Variants in ASB4 observed in about 807,000 individuals in gnomAD.
ASB4 encodes the protein ankyrin repeat and SOCS box protein 4.
In ASB4, 35 loss-of-function variants were observed where a neutral mutation model predicts 38.6. The ratio of observed to expected loss-of-function variants is 0.91; its 90% CI spans 0.69 to 1.20. The LOEUF (loss-of-function observed/expected upper bound fraction) is 1.20, where lower values mean the gene tolerates loss of function less well. ASB4 is among the 50% of genes most tolerant of loss of function. ASB4 has a pLI of 0.00. For missense variants in ASB4, 557 were observed against 527.2 expected (o/e 1.06, Z -0.55); for synonymous variants, 195 against 201.3 (o/e 0.97, Z 0.26).
chr7:95,499,485 C>A (rs1475752291), intron 2 of ASB4, among the ~76,000 whole-genome samples: 4 of 151,982 alleles, frequency 2.6e-5, no homozygotes, highest in African/African-American at 9.7e-5. Context: ...TGATAGCTAC[C>A]CAGGGTTAAT....
chr7:95,471,286 A>G, the ASB4 span, among the ~76,000 whole-genome samples: 1 of 152,140 alleles, frequency 6.6e-6, no homozygotes, highest in Non-Finnish European at 1.5e-5. Context: ...TTGCTTCCCC[A>G]GAGCTCCAGG....
intron 2 of ASB4, among the ~76,000 whole-genome samples, chr7:95,512,330 G>A (rs577582955): frequency 2.0e-5 from 3 of 152,260 alleles, no homozygotes; most frequent in South Asian, 2.1e-4. Context: ...ATGGGGCTAC[G>A]GATAATTCAA....
intron 2 of ASB4, among the ~76,000 whole-genome samples, chr7:95,518,717 A>G (rs1176939865): frequency 6.6e-6 from 1 of 152,230 alleles, no homozygotes; most frequent in Non-Finnish European, 1.5e-5. Flanking sequence ...AATCTTTAAC[A>G]GGGATTCCAC....
intron 2 of ASB4, among the ~76,000 whole-genome samples, chr7:95,523,354 G>A (rs1000375470): frequency 4.6e-5 from 7 of 152,078 alleles, no homozygotes; most frequent in Non-Finnish European, 8.8e-5. Context: ...TCTTGATGAA[G>A]AGCTCATAAA....
chr7:95,513,515 G>A (rs996557501), intron 2 of ASB4, among the ~76,000 whole-genome samples: 25 of 152,110 alleles, frequency 1.6e-4, no homozygotes, highest in Middle Eastern at 3.4e-3. Context: ...TTTCAATGGA[G>A]TGGATGAAGC....
chr7:95,483,932 T>C (rs1317793406), upstream of ASB4, among the ~76,000 whole-genome samples: 1 of 152,042 alleles, frequency 6.6e-6, no homozygotes, highest in Non-Finnish European at 1.5e-5. Flanking sequence ...GTTGAGGAAG[T>C]ATTTCCATAT....
At chr7:95,481,516 G>A (rs897427250), upstream of ASB4, among the ~76,000 whole-genome samples, 2 of 152,172 alleles carry the variant, frequency 1.3e-5, no homozygotes, top group African/African-American at 4.8e-5. Context: ...GGAGGCCCAA[G>A]GGGTTCTGTT....
chr7:95,510,858 G>A (rs10275596), intron 2 of ASB4, among the ~76,000 whole-genome samples: 71,099 of 151,964 alleles, frequency 0.47, 17,188 homozygotes, highest in African/African-American at 0.59. Context: ...GAAGGATGAA[G>A]TTTCCTTAGG....
upstream of ASB4, among the ~76,000 whole-genome samples, chr7:95,478,063 G>A (rs765713522): frequency 2.0e-5 from 3 of 152,048 alleles, no homozygotes; most frequent in Admixed American, 1.3e-4. Flanking sequence ...GACAACTGTG[G>A]GTGTAAAAAG....
At chr7:95,510,857 A>T (rs182766607) in intron 2 of ASB4, among the ~76,000 whole-genome samples, 2,000 of 152,314 alleles carry the variant, frequency 0.013, 59 homozygotes, top group Admixed American at 0.056. Context: ...TGAAGGATGA[A>T]GTTTCCTTAG....
At chr7:95,509,491 C>G (rs1316172412) in intron 2 of ASB4, among the ~76,000 whole-genome samples, 1 of 152,184 alleles carries the variant, frequency 6.6e-6, no homozygotes, top group South Asian at 2.1e-4. Context: ...TGCAACAAAG[C>G]TCTGCATACT....
At chr7:95,490,552 C>A (rs200981404) in intron 1 of ASB4, among the ~76,000 whole-genome samples, 3 of 152,308 alleles carry the variant, frequency 2.0e-5, no homozygotes, top group South Asian at 2.1e-4. Flanking sequence ...GTGTGTGTAA[C>A]CTTTGGCTGT....
At chr7:95,481,995 C>T (rs866829308), upstream of ASB4, among the ~76,000 whole-genome samples, 4 of 152,250 alleles carry the variant, frequency 2.6e-5, no homozygotes, top group East Asian at 5.8e-4. Context: ...TGAGTTGAAG[C>T]GGTGGCTTGG....
intron 2 of ASB4, among the ~76,000 whole-genome samples, chr7:95,521,747 A>G (rs1790665187): frequency 6.6e-6 from 1 of 152,066 alleles, no homozygotes; most frequent in Non-Finnish European, 1.5e-5. Flanking sequence ...ACAGGTTGCA[A>G]AAGTGAGATA....
In ASB4 at chr7:95,537,669, C is replaced by G; in HGVS notation, c.1191C>G (p.His397Gln). ...GATGTGCCATTAGAAGAACATTACA[C>G]AACAGATGCCATAGAGCAATTCCTT... Reference protein sequence around the residue: ...LSRCAIRRTLHNRCHRAIPLL... With the variant: ...LSRCAIRRTLQNRCHRAIPLL... The change falls in exon 5 of 5, where the codon CAC becomes CAG. Residue 397 changes from histidine to glutamine, a missense_variant. Transcript: ENST00000325885. 6.2e-7 allele frequency: 1 copy of G among 1,613,890 alleles called. No individual in the cohort carries two copies. Among genetic ancestry groups the G allele is most frequent in the South Asian group, 1.1e-5 (1 of 91,052 alleles).
intron 3 of ASB4, chr7:95,528,623 G>A (rs10487135): frequency 0.095 from 121,965 of 1,281,884 alleles, 5,931 homozygotes; most frequent in South Asian, 0.1. Flanking sequence ...GTGTTAGACA[G>A]GCATACATTT....
At chr7:95,525,238 G>C (rs1436247704) in intron 2 of ASB4, among the ~76,000 whole-genome samples, 3 of 152,214 alleles carry the variant, frequency 2.0e-5, no homozygotes, top group African/African-American at 7.2e-5. Flanking sequence ...TGGACTTCCA[G>C]TCTCCAGAGG....
At chr7:95,530,175 G>T (rs1410324912) in intron 3 of ASB4, among the ~76,000 whole-genome samples, 4 of 150,244 alleles carry the variant, frequency 2.7e-5, no homozygotes, top group Non-Finnish European at 4.4e-5. Context: ...ATAAGGATGT[G>T]GGGGGCTGGG....
chr7:95,537,775 A>G lies in ASB4; in HGVS notation c.*16A>G. On this transcript the variant is annotated 3_prime_UTR_variant, in exon 5 of 5. Coordinates refer to ENST00000325885, the MANE Select transcript of ASB4 (RefSeq NM_016116.3). ...TATTTATTAAGCCTTATGAGACAGC[A>G]GTTCCCAATCCTAGGTATTTAAGTG... 3 of 1,606,658 alleles carry G rather than the reference A, an allele frequency of 1.9e-6. No homozygotes were observed. The highest frequency in any genetic ancestry group is 2.6e-6 in the Non-Finnish European group (3 of 1,174,872).
Sources: allele counts gnomAD v4.1 joint callset (sites outside exome capture counted in the v4.1 genomes callset), GRCh38; gene constraint gnomAD v4.1.1; transcripts MANE v1.5; gene names NCBI Gene and HGNC (gene_info 2026-07-23, HGNC 2026-07-21).